The following RNLS variants were observed in gnomAD, a reference collection of about 807,000 sequenced individuals.
RNLS encodes renalase, FAD dependent amine oxidase.
A neutral mutation model predicts 39.8 loss-of-function variants in RNLS; 39 were observed. The observed-to-expected ratio is 0.98, with a 90% CI of 0.76 to 1.28. The LOEUF (loss-of-function observed/expected upper bound fraction) is 1.28. Among genes scored for constraint, RNLS ranks in the 50% most tolerant of loss-of-function variants. The pLI is 0.00. For missense variants in RNLS, 410 were observed against 413.3 expected (o/e 0.99, Z 0.07); for synonymous variants, 147 against 150.7 (o/e 0.98, Z 0.18).
chr10:88,247,466 G>A, the RNLS span, among the ~76,000 whole-genome samples: 6 of 152,334 alleles, frequency 3.9e-5, no homozygotes, highest in South Asian at 1.2e-3. Flanking sequence ...GCCTGGCATT[G>A]AGTGCCCAGT....
At chr10:88,235,028 G>A in the RNLS span, among the ~76,000 whole-genome samples, 53 of 152,074 alleles carry the variant, frequency 3.5e-4, no homozygotes, top group African/African-American at 1.2e-3. Flanking sequence ...TTGGGAGGCC[G>A]AGGCGGGTGG....
intron 4 of RNLS, among the ~76,000 whole-genome samples, chr10:88,557,484 T>G (rs776661492): frequency 6.6e-6 from 1 of 152,146 alleles, no homozygotes; most frequent in Non-Finnish European, 1.5e-5. Flanking sequence ...GTCCAGTCAG[T>G]GTATAAACAA....
intron 4 of RNLS, among the ~76,000 whole-genome samples, chr10:88,383,638 C>T (rs1851684812): frequency 2.0e-5 from 3 of 152,224 alleles, no homozygotes. Context: ...ATCCATTTAA[C>T]TGTGCAATTG....
chr10:88,566,745 A>G (rs1054433286), intron 4 of RNLS, among the ~76,000 whole-genome samples: 2 of 152,174 alleles, frequency 1.3e-5, no homozygotes, highest in African/African-American at 4.8e-5. Context: ...AGAGGGAGAT[A>G]CTTTAAGCTT....
intron 4 of RNLS, among the ~76,000 whole-genome samples, chr10:88,572,615 C>T (rs1378250280): frequency 6.6e-6 from 1 of 152,204 alleles, no homozygotes; most frequent in Non-Finnish European, 1.5e-5. Flanking sequence ...GCCACAAAAA[C>T]TGCTCTTCCT....
At chr10:88,348,121 C>T (rs1056585719) in intron 5 of RNLS, among the ~76,000 whole-genome samples, 4 of 152,108 alleles carry the variant, frequency 2.6e-5, no homozygotes, top group Non-Finnish European at 5.9e-5. Flanking sequence ...TTGGCCATCC[C>T]TATCTCTTTA....
At chr10:88,306,894 T>G (rs1256397875) in intron 6 of RNLS, among the ~76,000 whole-genome samples, 1 of 152,106 alleles carries the variant, frequency 6.6e-6, no homozygotes, top group Admixed American at 6.6e-5. Context: ...TTCAGGCCAA[T>G]ATCCTTGAAC....
intron 4 of RNLS, among the ~76,000 whole-genome samples, chr10:88,466,076 G>C (rs1440787450): frequency 6.6e-6 from 1 of 151,986 alleles, no homozygotes; most frequent in East Asian, 1.9e-4. Context: ...AGAAGGAGAA[G>C]ACAAAGAGGG....
intron 4 of RNLS, among the ~76,000 whole-genome samples, chr10:88,551,379 T>C (rs1229958713): frequency 6.6e-6 from 1 of 152,190 alleles, no homozygotes; most frequent in Non-Finnish European, 1.5e-5. Context: ...TTTCAGCTGA[T>C]ACAGAAAAAT....
intron 4 of RNLS, among the ~76,000 whole-genome samples, chr10:88,563,565 T>C (rs1849315507): frequency 6.6e-6 from 1 of 152,120 alleles, no homozygotes; most frequent in Admixed American, 6.6e-5. Context: ...AGTATAGCAT[T>C]AAGGTCCAAG....
intron 6 of RNLS, among the ~76,000 whole-genome samples, chr10:88,306,344 G>C (rs546260708): frequency 6.6e-6 from 1 of 152,078 alleles, no homozygotes; most frequent in African/African-American, 2.4e-5. Flanking sequence ...AACTGAAAGA[G>C]ATTGAGACAC....
At chr10:88,501,034 T>TGTGC (rs1228664315) in intron 4 of RNLS, among the ~76,000 whole-genome samples, 1 of 151,956 alleles carries the variant, frequency 6.6e-6, no homozygotes, top group Non-Finnish European at 1.5e-5. Flanking sequence ...TGTGTGTGTG[T>TGTGC]GTGTATATAT....
At chr10:88,186,569 C>T in the RNLS span, among the ~76,000 whole-genome samples, 1 of 152,266 alleles carries the variant, frequency 6.6e-6, no homozygotes, top group East Asian at 1.9e-4. Context: ...CCAAGACACC[C>T]ATTCAGTGCC....
chr10:88,271,870 G>A (rs953446613), downstream of RNLS, among the ~76,000 whole-genome samples: 1 of 152,156 alleles, frequency 6.6e-6, no homozygotes, highest in Non-Finnish European at 1.5e-5. Flanking sequence ...CCAGGAGTTC[G>A]TTTCTGTATG....
the RNLS span, among the ~76,000 whole-genome samples, chr10:88,179,740 T>C: frequency 4.6e-5 from 7 of 152,358 alleles, no homozygotes; most frequent in African/African-American, 1.7e-4. Flanking sequence ...CACAATGCTC[T>C]AAGGTGCCCC....
chr10:88,537,655 A>G (rs1469318185), intron 4 of RNLS, among the ~76,000 whole-genome samples: 1 of 152,144 alleles, frequency 6.6e-6, no homozygotes, highest in African/African-American at 2.4e-5. Context: ...GGCAAAAAAA[A>G]CAATCTATGC....
chr10:88,343,743 T>C (rs1306889845), intron 5 of RNLS: 1 of 985,274 alleles, frequency 1.0e-6, no homozygotes, highest in African/African-American at 1.7e-5. Context: ...CTCCCAAGCT[T>C]CATGAAAACA....
At chr10:88,399,106 G>T (rs1177019036) in intron 4 of RNLS, among the ~76,000 whole-genome samples, 1 of 151,776 alleles carries the variant, frequency 6.6e-6, no homozygotes, top group Non-Finnish European at 1.5e-5. Context: ...ATACCTCCTA[G>T]GATGGCTAAA....
At chr10:88,293,009 A>G (rs1483022517) in intron 6 of RNLS, among the ~76,000 whole-genome samples, 2 of 152,142 alleles carry the variant, frequency 1.3e-5, no homozygotes, top group Non-Finnish European at 2.9e-5. Context: ...AGATCATGCC[A>G]TTGCACTCCA....
Sources: gnomAD v4.1 joint callset for allele counts (sites outside exome capture counted in the v4.1 genomes callset) on GRCh38, gnomAD v4.1.1 for gene constraint, MANE v1.5 for transcripts, NCBI Gene and HGNC (gene_info 2026-07-23, HGNC 2026-07-21) for gene names.